The following CFAP20DC variants were observed in gnomAD, a reference collection of about 807,000 sequenced individuals.
CFAP20DC encodes the protein protein CFAP20DC.
A neutral mutation model predicts 101.7 loss-of-function variants in CFAP20DC; 84 were observed. The ratio of observed to expected loss-of-function variants is 0.83; its 90% CI spans 0.69 to 0.99. The LOEUF (loss-of-function observed/expected upper bound fraction) is 0.99, where lower values mean the gene tolerates loss of function less well. CFAP20DC is among the 50% of genes least tolerant of loss of function. CFAP20DC has a pLI of 0.00. For missense variants in CFAP20DC, 1,007 were observed against 970.3 expected, an observed-to-expected ratio of 1.04 and a Z score of -0.50; for synonymous variants, 359 against 351.2, an observed-to-expected ratio of 1.02 and a Z score of -0.25.
chr3:59,003,516 A>C (rs747547568), intron 4 of CFAP20DC, among the ~76,000 whole-genome samples: 20 of 152,220 alleles, frequency 1.3e-4, no homozygotes, highest in Non-Finnish European at 2.6e-4. Context: ...ATGCCAAAAC[A>C]ATCCATAGGT....
intron 4 of CFAP20DC, among the ~76,000 whole-genome samples, chr3:58,959,767 A>G (rs1188680658): frequency 6.6e-6 from 1 of 152,234 alleles, no homozygotes; most frequent in Non-Finnish European, 1.5e-5. Flanking sequence ...TTTTAGAATC[A>G]GCTCATCAAT....
rs2106863761 is a variant in CFAP20DC at position 58,892,956 on chromosome 3, T to C, written c.551-8247A>G. Among the ~76,000 whole-genome samples the C allele has an allele frequency of 6.6e-6, 1 of 152,320 alleles. No individual in the cohort carries two copies. The highest frequency in any genetic ancestry group is 1.9e-4 in the East Asian group (1 of 5,188). On this transcript the variant is annotated intron_variant, in intron 6 of 16. Coordinates refer to ENST00000482387, the MANE Select transcript of CFAP20DC (RefSeq NM_001394063.1). The surrounding 1 kb of genome is among the most constrained non-coding windows in gnomAD (Gnocchi z 4.0). ...AGCTTTTGCCTGTTCAGTATGATAT[T>C]GGCTGTGGGTTTGTCATATACAGTT... is the stretch of plus-strand genomic sequence containing the variant.
rs1206402123 is a variant in CFAP20DC at position 58,724,706 on chromosome 3, T to C, written c.198-7078A>G. Among the ~76,000 whole-genome samples the C allele has an allele frequency of 6.6e-6, 1 of 152,196 alleles. No homozygotes were observed. The highest frequency in any genetic ancestry group is 1.5e-5 in the Non-Finnish European group (1 of 68,032). The stretch of plus-strand genomic sequence containing the variant: ...CATGGAGACCAGAGCTCGGCGCCTT[T>C]TGCAGCCTCCATTTTGCAACTGGCC... On this transcript the variant is annotated intron_variant, in intron 3 of 3. Transcript: ENST00000486145. This position sits in a 1 kb window ranked among gnomAD's most constrained non-coding sequence, Gnocchi z 5.6.
chr3:58,855,566 C>T (rs566863881), intron 12 of CFAP20DC, among the ~76,000 whole-genome samples: 1 of 151,914 alleles, frequency 6.6e-6, no homozygotes. Context: ...TTCACAATAG[C>T]AAAGACTTGG....
In CFAP20DC at chr3:58,742,305, A is replaced by C; in HGVS notation, c.*155T>G. Reference sequence around the variant, plus strand: ...CTACAAAAGGAATATAGGTATTCTTAACGTTGAACATTATTTACAAAATGA... The same window carrying C: ...CTACAAAAGGAATATAGGTATTCTTCACGTTGAACATTATTTACAAAATGA... On this transcript the variant is annotated 3_prime_UTR_variant, in exon 17 of 17. Transcript: ENST00000482387. 8.1e-7 allele frequency: 1 copy of C among 1,241,014 alleles called. No homozygotes were observed. Among genetic ancestry groups the C allele is most frequent in the Non-Finnish European group, 1.0e-6 (1 of 986,814 alleles). 76.9% of individuals were successfully genotyped at this position (1,241,014 alleles called of 1,614,324 possible).
intron 4 of CFAP20DC, among the ~76,000 whole-genome samples, chr3:59,022,145 T>G (rs1241552401): frequency 2.0e-5 from 3 of 152,008 alleles, no homozygotes; most frequent in Admixed American, 2.0e-4. Flanking sequence ...AGAAATAAAT[T>G]CATTTTTTAA....
At chr3:59,029,329 C>T (rs1368873550) in intron 4 of CFAP20DC, among the ~76,000 whole-genome samples, 1 of 151,980 alleles carries the variant, frequency 6.6e-6, no homozygotes, top group African/African-American at 2.4e-5. Flanking sequence ...TAAACTGTTA[C>T]AGTTGTAATG....
intron 12 of CFAP20DC, among the ~76,000 whole-genome samples, chr3:58,857,344 T>A (rs1476464751): frequency 1.3e-5 from 2 of 152,220 alleles, no homozygotes; most frequent in Non-Finnish European, 2.9e-5. Context: ...TTCTTCCTTC[T>A]AGCAGTTTAC....
intron 16 of CFAP20DC, among the ~76,000 whole-genome samples, chr3:58,751,360 G>A (rs568704169): frequency 6.6e-6 from 1 of 152,326 alleles, no homozygotes; most frequent in African/African-American, 2.4e-5. Context: ...AGGCCTGTAA[G>A]AAGATAAACA....
chr3:58,830,193 T>A (rs761397708), intron 14 of CFAP20DC, among the ~76,000 whole-genome samples: 2 of 152,164 alleles, frequency 1.3e-5, no homozygotes, highest in African/African-American at 4.8e-5. Context: ...AAGGTAGGGA[T>A]AAAGAGCACT....
At chr3:58,781,019 G>C (rs1296814270) in intron 15 of CFAP20DC, among the ~76,000 whole-genome samples, 1 of 151,836 alleles carries the variant, frequency 6.6e-6, no homozygotes, top group Non-Finnish European at 1.5e-5. Flanking sequence ...CATTCTCCAG[G>C]ATAGAATATA....
At chr3:58,764,010 G>T (rs1250191170) in intron 15 of CFAP20DC, among the ~76,000 whole-genome samples, 1 of 152,156 alleles carries the variant, frequency 6.6e-6, no homozygotes, top group Non-Finnish European at 1.5e-5. Context: ...GCAGTTTGTT[G>T]GTTCTCAGAT....
At chr3:58,832,166 T>C (rs1256128838) in intron 13 of CFAP20DC, among the ~76,000 whole-genome samples, 2 of 152,214 alleles carry the variant, frequency 1.3e-5, no homozygotes, top group Admixed American at 6.5e-5. Context: ...GTGTTCTGGG[T>C]AATGCTTAGG....
At chr3:58,720,724 T>C (rs1196920644) in intron 3 of CFAP20DC, among the ~76,000 whole-genome samples, 1 of 152,166 alleles carries the variant, frequency 6.6e-6, no homozygotes, top group Non-Finnish European at 1.5e-5. Context: ...AAGCAGAGGG[T>C]TATTAAGTTT....
chr3:58,804,870 C>T (rs148904554), intron 15 of CFAP20DC, among the ~76,000 whole-genome samples: 14 of 152,272 alleles, frequency 9.2e-5, no homozygotes, highest in African/African-American at 1.7e-4. Flanking sequence ...CAGTTTTAAA[C>T]TCTTTAGTGT....
At chr3:58,775,535 G>C (rs2071247030) in intron 15 of CFAP20DC, among the ~76,000 whole-genome samples, 1 of 151,964 alleles carries the variant, frequency 6.6e-6, no homozygotes, top group East Asian at 1.9e-4. Flanking sequence ...AAAATAAATG[G>C]GAAAGAATTC....
intron 16 of CFAP20DC, among the ~76,000 whole-genome samples, chr3:58,743,265 T>C (rs1345430091): frequency 6.8e-6 from 1 of 147,854 alleles, no homozygotes; most frequent in African/African-American, 2.5e-5. Flanking sequence ...ACAAATGGCA[T>C]GAAATGAAAA....
intron 5 of CFAP20DC, among the ~76,000 whole-genome samples, chr3:58,936,415 C>T (rs1234041659): frequency 6.6e-6 from 1 of 152,174 alleles, no homozygotes. Flanking sequence ...CCAGCCATCC[C>T]ATTACTGGGT....
At chr3:58,836,368 CT>C (rs2076736975) in intron 13 of CFAP20DC, among the ~76,000 whole-genome samples, 1 of 152,168 alleles carries the variant, frequency 6.6e-6, no homozygotes, top group African/African-American at 2.4e-5. Context: ...ACTTGATGTC[CT>C]TCGCCCAATC....
Sources: gnomAD v4.1 joint callset for allele counts (sites outside exome capture counted in the v4.1 genomes callset) on GRCh38, gnomAD v4.1.1 for gene constraint, Gnocchi (gnomAD v3.1) non-coding constraint, MANE v1.5 for transcripts, NCBI Gene and HGNC (gene_info 2026-07-23, HGNC 2026-07-21) for gene names.